The following CASK variants were observed in gnomAD, a reference collection of about 807,000 sequenced individuals.
CASK encodes the protein peripheral plasma membrane protein CASK.
CASK carries 4 observed loss-of-function variants against 82.9 expected under a neutral mutation model. That is an observed-to-expected ratio of 0.05 (90% CI 0.02 to 0.11). The LOEUF is 0.11. Among genes scored for constraint, CASK ranks in the 10% least tolerant of loss-of-function variants. CASK has a pLI of 1.00. For missense variants in CASK, 358 were observed against 720.9 expected (o/e 0.50, Z 5.76); for synonymous variants, 259 against 253.5 (o/e 1.02, Z -0.20).
intron 5 of CASK, chrX:41,727,665 C>A (rs759075463): frequency 8.3e-7 from 1 of 1,206,782 alleles, no homozygotes; most frequent in African/African-American, 1.7e-5. Flanking sequence ...TTGGATTTTC[C>A]TTTTTAGTAG....
intron 9 of CASK, among the ~76,000 whole-genome samples, chrX:41,634,283 G>A (rs1160555605): frequency 2.7e-5 from 3 of 112,583 alleles, no homozygotes; most frequent in Non-Finnish European, 5.6e-5. Flanking sequence ...ATGGGAATTA[G>A]TTCCTTGAGG....
chrX:41,555,479 A>G, intron 20 of CASK, 121 bp downstream of exon 20: 1 of 549,893 alleles, frequency 1.8e-6, no homozygotes. Context: ...AAATGGTACA[A>G]GCTCTCAATG....
intron 2 of CASK, among the ~76,000 whole-genome samples, chrX:41,847,423 A>C (rs1460034772): frequency 9.0e-6 from 1 of 111,362 alleles, no homozygotes; most frequent in Non-Finnish European, 1.9e-5. Flanking sequence ...TGTATTTTTC[A>C]ATTCCAGAAT....
intron 5 of CASK, among the ~76,000 whole-genome samples, chrX:41,693,545 C>T (rs192911830): frequency 2.9e-3 from 328 of 111,298 alleles, no homozygotes; most frequent in African/African-American, 0.01. Context: ...AGCCAGGGGG[C>T]GGAGGTTGCA....
chrX:41,877,103 T>C (rs2071839936), intron 1 of CASK, among the ~76,000 whole-genome samples: 1 of 111,836 alleles, frequency 8.9e-6, no homozygotes, highest in African/African-American at 3.2e-5. Context: ...TGTCAAGCTC[T>C]AAATTCTGAC....
At chrX:41,591,575 A>G (rs767708097) in intron 12 of CASK, among the ~76,000 whole-genome samples, 22 of 110,422 alleles carry the variant, frequency 2.0e-4, no homozygotes, top group Non-Finnish European at 3.6e-4. Context: ...CCTCGGTTCG[A>G]GCGATTCTCC....
At chrX:41,672,906 C>T (rs978761839) in intron 5 of CASK, among the ~76,000 whole-genome samples, 2 of 112,232 alleles carry the variant, frequency 1.8e-5, no homozygotes, top group Non-Finnish European at 3.8e-5. Context: ...TGATAGACTG[C>T]TGTTAGTTAG....
In CASK at chrX:41,703,889, A is replaced by C. The variant is rs190164135; in HGVS notation, c.430-32359T>G. On this transcript the variant is annotated intron_variant, in intron 5 of 26. Transcript: ENST00000378163. ...TTTATCAGATTTACTAATTTTTGCC[A>C]ATCTGGTAGGTATGAAATGGTATCT... Among the ~76,000 whole-genome samples the C allele has an allele frequency of 1.2e-3, 134 of 111,857 alleles. 2 individuals carry two copies. The highest frequency in any genetic ancestry group is 4.2e-3 in the African/African-American group (131 of 30,874).
chrX:41,692,095 T>C (rs1018424752), intron 5 of CASK, among the ~76,000 whole-genome samples: 106 of 111,587 alleles, frequency 9.5e-4, no homozygotes, highest in Non-Finnish European at 6.8e-4. Flanking sequence ...TTGTGATACC[T>C]ACCTCACAGA....
chrX:41,527,258 A>AGT (rs1202175635), intron 25 of CASK, among the ~76,000 whole-genome samples: 90 of 109,015 alleles, frequency 8.3e-4, no homozygotes, highest in Middle Eastern at 4.7e-3. Context: ...AGAGAGAGAG[A>AGT]GTGTGTGTGT....
intron 1 of CASK, among the ~76,000 whole-genome samples, chrX:41,854,224 G>GCGCGCGCGCGCGCACA (rs1367817089): frequency 3.7e-5 from 3 of 81,718 alleles, no homozygotes; most frequent in African/African-American, 1.4e-4. Flanking sequence ...GCGGGCGCGC[G>GCGCGCGCGCGCGCACA]CACACACACA....
At chrX:41,601,923 C>T (rs1291750011) in intron 12 of CASK, among the ~76,000 whole-genome samples, 1 of 111,438 alleles carries the variant, frequency 9.0e-6, no homozygotes, top group East Asian at 2.8e-4. Flanking sequence ...CATGTAATTG[C>T]ATTGGCAATC....
intron 3 of CASK, among the ~76,000 whole-genome samples, chrX:41,747,343 A>G (rs994468852): frequency 1.8e-5 from 2 of 111,750 alleles, no homozygotes; most frequent in Non-Finnish European, 3.8e-5. Context: ...TCAGAAATAA[A>G]GCCTGGATGA....
chrX:41,756,195 G>C (rs1193014995), intron 3 of CASK, among the ~76,000 whole-genome samples: 1 of 112,024 alleles, frequency 8.9e-6, no homozygotes, highest in East Asian at 2.8e-4. Context: ...CAGTAATTAA[G>C]TGTATGATAT....
At chrX:41,901,252 C>T (rs990703423) in intron 1 of CASK, among the ~76,000 whole-genome samples, 4 of 111,307 alleles carry the variant, frequency 3.6e-5, no homozygotes, top group East Asian at 2.8e-4. Context: ...GAGGCCAAGG[C>T]GGGTGGGTTG....
chrX:41,807,939 T>TC (rs1034571877), intron 2 of CASK, among the ~76,000 whole-genome samples: 1 of 111,724 alleles, frequency 9.0e-6, no homozygotes, highest in African/African-American at 3.3e-5. Flanking sequence ...CACTGCAACC[T>TC]CCATCTCCCA....
At chrX:41,758,201 C>T (rs943333423) in intron 3 of CASK, among the ~76,000 whole-genome samples, 2 of 110,852 alleles carry the variant, frequency 1.8e-5, no homozygotes, top group Non-Finnish European at 3.8e-5. Flanking sequence ...TTGGGAGGCC[C>T]AGGCGGGCGG....
At chrX:41,816,458 A>T (rs1035660201) in intron 2 of CASK, among the ~76,000 whole-genome samples, 2 of 111,587 alleles carry the variant, frequency 1.8e-5, no homozygotes, top group Non-Finnish European at 3.8e-5. Flanking sequence ...AAACTAGAAG[A>T]TGAGAAAATT....
chrX:41,687,650 T>C (rs772108066), intron 5 of CASK, among the ~76,000 whole-genome samples: 2 of 111,162 alleles, frequency 1.8e-5, no homozygotes, highest in Admixed American at 1.9e-4. Flanking sequence ...CACTATTGAA[T>C]TGTATACTTA....
Sources: gnomAD v4.1 joint callset for allele counts (sites outside exome capture counted in the v4.1 genomes callset) on GRCh38, gnomAD v4.1.1 for gene constraint, MANE v1.5 for transcripts, NCBI Gene and HGNC (gene_info 2026-07-23, HGNC 2026-07-21) for gene names.